SEMA6D: variants seen among roughly 807,000 people sequenced by gnomAD.
The protein encoded by SEMA6D is semaphorin 6D, also known as semaphorin-6D.
In SEMA6D, 35 loss-of-function variants were observed where a neutral mutation model predicts 106.6. That is an observed-to-expected ratio of 0.33 (90% CI 0.25 to 0.44). The LOEUF is 0.44. Ranked by LOEUF, SEMA6D falls within the 20% of genes least tolerant of loss-of-function variation. The pLI, the probability that SEMA6D is intolerant of heterozygous loss-of-function variation, is 1.00. For synonymous variants in SEMA6D, 499 were observed against 487.7 expected (o/e 1.02, Z -0.31); for missense variants, 1,185 against 1,345.9 (o/e 0.88, Z 1.87).
At chr15:47,309,185 C>T (rs1267564884) in intron 1 of SEMA6D, among the ~76,000 whole-genome samples, 2 of 152,186 alleles carry the variant, frequency 1.3e-5, no homozygotes, top group Non-Finnish European at 2.9e-5. Context: ...TTCACAGTTT[C>T]AGTTTCCCCA....
intron 1 of SEMA6D, among the ~76,000 whole-genome samples, chr15:47,192,685 A>G (rs1472144988): frequency 1.3e-5 from 2 of 152,238 alleles, no homozygotes; most frequent in Non-Finnish European, 1.5e-5. Context: ...TTATGATTGT[A>G]CATAGAAATG....
intron 1 of SEMA6D, among the ~76,000 whole-genome samples, chr15:47,401,207 T>TA (rs1237400335): frequency 6.6e-6 from 1 of 151,662 alleles, no homozygotes; most frequent in Non-Finnish European, 1.5e-5. Flanking sequence ...CTTTGCGTCT[T>TA]ACTTCTGTGT....
chr15:47,254,878 TGTGTGTGTGTGTGTG>T (rs2033717122), intron 1 of SEMA6D, among the ~76,000 whole-genome samples: 1 of 135,036 alleles, frequency 7.4e-6, no homozygotes. Flanking sequence ...TGTGGTTTTG[TGTGTGTGTGTGTGTG>T]TGTGTGTGTG....
chr15:47,570,326 G>A (rs904101325), intron 3 of SEMA6D, among the ~76,000 whole-genome samples: 7 of 152,008 alleles, frequency 4.6e-5, no homozygotes, highest in African/African-American at 1.4e-4. Flanking sequence ...GGTGGCCCGC[G>A]GCCATTACTC....
chr15:47,420,925 A>G (rs2041131955), intron 2 of SEMA6D, among the ~76,000 whole-genome samples: 1 of 152,126 alleles, frequency 6.6e-6, no homozygotes, highest in South Asian at 2.1e-4. Flanking sequence ...TACGATCACA[A>G]TTAGTGACAT....
At chr15:47,245,214 C>G (rs1200472011) in intron 1 of SEMA6D, among the ~76,000 whole-genome samples, 1 of 152,038 alleles carries the variant, frequency 6.6e-6, no homozygotes, top group East Asian at 1.9e-4. Context: ...TTGGTATATA[C>G]TCAATAATTG....
At position 47,773,046 on chromosome 15, in the gene SEMA6D, CAT is replaced by C. The variant is rs2082700245; in HGVS notation, c.*1262_*1263del. ...TAATGACAATATACTGTAAATACCA[CAT>C]GTGAGTTTACCTGAATCTGTGCATT... On this transcript the variant is annotated 3_prime_UTR_variant, in exon 19 of 19. Coordinates refer to ENST00000536845, the MANE Select transcript of SEMA6D (RefSeq NM_001358351.3). 6.6e-6 allele frequency: 1 copy of C among 152,570 alleles called. No homozygotes were observed. 9.5% of individuals were successfully genotyped at this position (152,570 alleles called of 1,614,324 possible).
intron 1 of SEMA6D, among the ~76,000 whole-genome samples, chr15:47,208,530 C>T (rs1039034375): frequency 1.3e-5 from 2 of 152,100 alleles, no homozygotes; most frequent in Non-Finnish European, 2.9e-5. Context: ...CCACTACCCT[C>T]ATCATTACAC....
chr15:47,533,098 AG>A (rs1773659130), intron 3 of SEMA6D, among the ~76,000 whole-genome samples: 1 of 152,206 alleles, frequency 6.6e-6, no homozygotes, highest in Non-Finnish European at 1.5e-5. Flanking sequence ...GATAATCCGT[AG>A]GCTGGCTGTA....
At chr15:47,573,956 A>G (rs1045998253) in intron 3 of SEMA6D, among the ~76,000 whole-genome samples, 2 of 152,180 alleles carry the variant, frequency 1.3e-5, no homozygotes, top group South Asian at 2.1e-4. Flanking sequence ...AGCCCATCAA[A>G]TCTTCTGTGA....
At chr15:47,552,500 A>T (rs1211442085) in intron 3 of SEMA6D, among the ~76,000 whole-genome samples, 1 of 126,228 alleles carries the variant, frequency 7.9e-6, no homozygotes, top group African/African-American at 2.8e-5. Context: ...GTGTGTATAT[A>T]TATGTGTGTG....
intron 1 of SEMA6D, among the ~76,000 whole-genome samples, chr15:47,408,420 T>C (rs2040668397): frequency 6.6e-6 from 1 of 152,228 alleles, no homozygotes; most frequent in South Asian, 2.1e-4. Context: ...CTTTTTGATT[T>C]ATAACAATTT....
At chr15:47,362,519 C>T (rs993864189) in intron 1 of SEMA6D, among the ~76,000 whole-genome samples, 4 of 152,308 alleles carry the variant, frequency 2.6e-5, no homozygotes, top group South Asian at 4.2e-4. Flanking sequence ...CCATCTCACA[C>T]GGGCACTGAT....
At chr15:47,731,187 T>A (rs1440077663) in intron 1 of SEMA6D, among the ~76,000 whole-genome samples, 1 of 152,164 alleles carries the variant, frequency 6.6e-6, no homozygotes, top group Non-Finnish European at 1.5e-5. Context: ...GAGACTCAAT[T>A]TTCAGAAATA....
chr15:47,764,225 A>G lies in SEMA6D; in HGVS notation c.1017A>G (p.Val339=), dbSNP rs370414740. The G allele has an allele frequency of 2.0e-5, 32 of 1,613,732 alleles. No individual in the cohort carries two copies. The African/African-American group carries it at 4.0e-4, about 20-fold the overall frequency. ...TTAGCATGGATGACATTGAAAAAGT[A>G]TTCAAAGGACGGTTTAAGGAACAGA... ...CAFSMDDIEK[V]FKGRFKEQKT... Residue 339 remains valine, a synonymous_variant, in exon 11 of 19, where the codon GTA becomes GTG. Coordinates refer to ENST00000536845, the MANE Select transcript of SEMA6D (RefSeq NM_001358351.3).
intron 1 of SEMA6D, among the ~76,000 whole-genome samples, chr15:47,304,678 G>A (rs1196790626): frequency 6.6e-6 from 1 of 152,016 alleles, no homozygotes; most frequent in Non-Finnish European, 1.5e-5. Flanking sequence ...CCCATTACTT[G>A]TAAAACTCAA....
chr15:47,240,331 T>C (rs1337291343), intron 1 of SEMA6D, among the ~76,000 whole-genome samples: 2 of 152,132 alleles, frequency 1.3e-5, no homozygotes, highest in African/African-American at 2.4e-5. Context: ...TGAGAAAGGG[T>C]AAATTATTTT....
intron 4 of SEMA6D, among the ~76,000 whole-genome samples, chr15:47,615,015 A>G (rs1561043): frequency 0.24 from 36,684 of 152,124 alleles, 5,289 homozygotes; most frequent in East Asian, 0.46. Flanking sequence ...GTATGTGCCA[A>G]CCACAACCTG....
chr15:47,737,123 A>G (rs895918191), intron 1 of SEMA6D, among the ~76,000 whole-genome samples: 1 of 152,244 alleles, frequency 6.6e-6, no homozygotes, highest in Admixed American at 6.5e-5. Context: ...AGCAAAAATT[A>G]TAATATGCTA....
Sources: allele counts gnomAD v4.1 joint callset (sites outside exome capture counted in the v4.1 genomes callset), GRCh38; gene constraint gnomAD v4.1.1; transcripts MANE v1.5; gene names NCBI Gene and HGNC (gene_info 2026-07-23, HGNC 2026-07-21).